Variants in AP2B1 observed in about 807,000 individuals in gnomAD.
The protein encoded by AP2B1 is adaptor related protein complex 2 subunit beta 1, also known as AP-2 complex subunit beta.
A neutral mutation model predicts 102.0 loss-of-function variants in AP2B1; 23 were observed. The observed-to-expected ratio is 0.23, with a 90% CI of 0.16 to 0.32. AP2B1 has a LOEUF of 0.32. Ranked by LOEUF, AP2B1 falls within the 10% of genes least tolerant of loss-of-function variation. The pLI, the probability that AP2B1 is intolerant of heterozygous loss-of-function variation, is 1.00. For synonymous variants in AP2B1, 381 were observed against 421.2 expected, an observed-to-expected ratio of 0.90 and a Z score of 1.17; for missense variants, 541 against 1,157.4, an observed-to-expected ratio of 0.47 and a Z score of 7.73.
chr17:35,639,659 G>T lies in AP2B1; in HGVS notation c.1336G>T (p.Ala446Ser), dbSNP rs749663219. 6.2e-7 allele frequency: 1 copy of T among 1,614,066 alleles called. No individual in the cohort carries two copies. The highest frequency in any genetic ancestry group is 1.7e-5 in the Admixed American group (1 of 60,026). Residue 446 changes from alanine (A) to serine (S), a missense_variant, in exon 11 of 22, where the codon GCA becomes TCA. Around this residue, in one of 10 missense-constraint regions of AP2B1, gnomAD observed 106 missense variants for 296.4 expected, o/e 0.36. Coordinates refer to ENST00000610402, the MANE Select transcript of AP2B1 (RefSeq NM_001030006.2). ...LDSLDEPDAR[A>S]AMIWIVGEYA... is the part of the protein sequence containing the mutation. ...CTCGCTGGATGAGCCAGATGCTCGA[G>T]CAGCTATGATTTGGATTGTGGGAGA... is the stretch of plus-strand genomic sequence containing the variant.
chr17:35,639,640 G>A lies in AP2B1; in HGVS notation c.1317G>A (p.Leu439=), dbSNP rs1488919443. 1.9e-6 allele frequency: 3 copies of A among 1,613,994 alleles called. No individual in the cohort carries two copies. The highest frequency in any genetic ancestry group is 2.5e-6 in the Non-Finnish European group (3 of 1,179,958). ...IATLCENLDS[L]DEPDARAAMI... ...CTCTGTGTGAGAACTTAGACTCGCTGGATGAGCCAGATGCTCGAGCAGCTA... is the reference window on the plus strand; with the variant it reads ...CTCTGTGTGAGAACTTAGACTCGCTAGATGAGCCAGATGCTCGAGCAGCTA... Residue 439 remains leucine (L), a synonymous_variant, in exon 11 of 22, where the codon CTG becomes CTA. Transcript: ENST00000610402.
chr17:35,691,660 T>A (rs1172804522), intron 18 of AP2B1, among the ~76,000 whole-genome samples: 1 of 152,190 alleles, frequency 6.6e-6, no homozygotes, highest in Non-Finnish European at 1.5e-5. Context: ...ATATAGCGAT[T>A]CCCACGTCAG....
chr17:35,639,230 G>C (rs772337092), intron 10 of AP2B1, among the ~76,000 whole-genome samples: 3 of 152,168 alleles, frequency 2.0e-5, no homozygotes, highest in Non-Finnish European at 4.4e-5. Context: ...CTACTTAGGA[G>C]ACTGAGGAGG....
intron 18 of AP2B1, among the ~76,000 whole-genome samples, chr17:35,700,825 A>G (rs1019716343): frequency 9.2e-5 from 14 of 152,362 alleles, no homozygotes; most frequent in Non-Finnish European, 5.9e-5. Flanking sequence ...CTCTTAAAGT[A>G]ACTTTAAACA....
At chr17:35,708,296 G>A (rs1257272326) in intron 18 of AP2B1, among the ~76,000 whole-genome samples, 1 of 152,182 alleles carries the variant, frequency 6.6e-6, no homozygotes, top group Admixed American at 6.5e-5. Context: ...AAACCAGTGG[G>A]AGGTGGTGAC....
At chr17:35,608,075 C>T (rs2073746157) in intron 4 of AP2B1, 67 bp from the exon 5 acceptor site, 3 of 1,576,010 alleles carry the variant, frequency 1.9e-6, no homozygotes, top group Non-Finnish European at 2.6e-6. Flanking sequence ...TTGCAGCTTA[C>T]ATAAACTGGA....
At chr17:35,677,711 A>G (rs896880724) in intron 17 of AP2B1, among the ~76,000 whole-genome samples, 23 of 152,140 alleles carry the variant, frequency 1.5e-4, no homozygotes, top group Non-Finnish European at 3.1e-4. Flanking sequence ...TGACATCTAA[A>G]CAATATTGAG....
At chr17:35,670,927 A>G in intron 15 of AP2B1, 29 bp downstream of exon 15, 1 of 1,612,546 alleles carries the variant, frequency 6.2e-7, no homozygotes, top group Non-Finnish European at 8.5e-7. Context: ...TTTCACCATG[A>G]GAAGCACTGC....
intron 21 of AP2B1, among the ~76,000 whole-genome samples, chr17:35,723,156 G>C (rs1159858264): frequency 6.6e-6 from 1 of 152,180 alleles, no homozygotes; most frequent in Non-Finnish European, 1.5e-5. Context: ...GACCTACCTA[G>C]TTTATGGTTT....
chr17:35,640,240 T>TTA (rs1555566375), intron 11 of AP2B1, among the ~76,000 whole-genome samples: 3 of 138,008 alleles, frequency 2.2e-5, no homozygotes, highest in African/African-American at 5.6e-5. Flanking sequence ...TTTTTTTTTT[T>TTA]TTTTTTTTTT....
intron 3 of AP2B1, among the ~76,000 whole-genome samples, chr17:35,604,298 G>A (rs114013174): frequency 0.015 from 2,203 of 151,878 alleles, 47 homozygotes; most frequent in African/African-American, 0.05. Flanking sequence ...TTATAGAGAC[G>A]AGGTCTCACT....
intron 18 of AP2B1, among the ~76,000 whole-genome samples, chr17:35,692,292 G>A (rs587651750): frequency 5.8e-4 from 88 of 152,260 alleles, no homozygotes; most frequent in African/African-American, 2.0e-3. Context: ...TTCTAAAATA[G>A]TAATAAAAGT....
chr17:35,711,000 C>G (rs1555587226), intron 20 of AP2B1, among the ~76,000 whole-genome samples: 1 of 152,182 alleles, frequency 6.6e-6, no homozygotes, highest in African/African-American at 2.4e-5. Flanking sequence ...CATTAAAGAG[C>G]TCCGTACTCT....
At chr17:35,707,767 C>G (rs2076374716) in intron 18 of AP2B1, among the ~76,000 whole-genome samples, 1 of 152,210 alleles carries the variant, frequency 6.6e-6, no homozygotes, top group South Asian at 2.1e-4. Flanking sequence ...TCTAGTACAT[C>G]CTAAAGAATG....
At chr17:35,704,630 G>T (rs2076303721) in intron 18 of AP2B1, among the ~76,000 whole-genome samples, 1 of 152,166 alleles carries the variant, frequency 6.6e-6, no homozygotes, top group Non-Finnish European at 1.5e-5. Context: ...GTGCTGTGGG[G>T]AGGTGTTAGA....
chr17:35,713,319 T>C (rs374926306), intron 20 of AP2B1, among the ~76,000 whole-genome samples: 42 of 152,330 alleles, frequency 2.8e-4, no homozygotes, highest in African/African-American at 8.9e-4. Flanking sequence ...AAAACAGTCA[T>C]TGCATTTTCT....
At chr17:35,630,246 G>A (rs745756799) in intron 9 of AP2B1, among the ~76,000 whole-genome samples, 46 of 152,108 alleles carry the variant, frequency 3.0e-4, no homozygotes, top group Admixed American at 9.2e-4. Context: ...AGCTAGTCCT[G>A]GGTTCTATTC....
At chr17:35,674,445 T>C in intron 17 of AP2B1, 124 bp downstream of exon 17, 1 of 1,185,522 alleles carries the variant, frequency 8.4e-7, no homozygotes, top group Non-Finnish European at 1.2e-6. Flanking sequence ...GGCTCATGCC[T>C]ATAATCCCAG....
At chr17:35,695,715 C>G (rs1420695443) in intron 18 of AP2B1, among the ~76,000 whole-genome samples, 1 of 152,090 alleles carries the variant, frequency 6.6e-6, no homozygotes, top group African/African-American at 2.4e-5. Context: ...GTTTCAGTTG[C>G]CAGAAACAGC....
Sources: gnomAD v4.1 joint callset for allele counts (sites outside exome capture counted in the v4.1 genomes callset) on GRCh38, gnomAD v4.1.1 for gene constraint, gnomAD v4.1.1 regional missense constraint, MANE v1.5 for transcripts, NCBI Gene and HGNC (gene_info 2026-07-23, HGNC 2026-07-21) for gene names.